The following PALS2 variants were observed in gnomAD, a reference collection of about 807,000 sequenced individuals.
PALS2 encodes the protein protein associated with LIN7 2, MAGUK p55 family member.
Under a neutral mutation model 61.6 loss-of-function variants are expected in PALS2, and 27 were observed. The ratio of observed to expected loss-of-function variants is 0.44; its 90% CI spans 0.32 to 0.60. PALS2 has a LOEUF of 0.60. Among genes scored for constraint, PALS2 ranks in the 20% least tolerant of loss-of-function variants. PALS2 has a pLI of 0.05. For missense variants in PALS2, 554 were observed against 639.4 expected, an observed-to-expected ratio of 0.87 and a Z score of 1.44; for synonymous variants, 236 against 218.6, an observed-to-expected ratio of 1.08 and a Z score of -0.70.
intron 1 of PALS2, among the ~76,000 whole-genome samples, chr7:24,577,781 C>G (rs1187844131): frequency 6.6e-6 from 1 of 152,148 alleles, no homozygotes; most frequent in Non-Finnish European, 1.5e-5. Flanking sequence ...AACCATCCTT[C>G]CAGAATGACA....
At chr7:24,666,320 T>C (rs970848761) in intron 8 of PALS2, among the ~76,000 whole-genome samples, 7 of 152,202 alleles carry the variant, frequency 4.6e-5, no homozygotes, top group African/African-American at 1.7e-4. Context: ...ACAAAACAAA[T>C]TGGTTAAGAT....
intron 2 of PALS2, among the ~76,000 whole-genome samples, chr7:24,630,309 A>C (rs1360708764): frequency 2.0e-5 from 3 of 152,120 alleles, no homozygotes; most frequent in Admixed American, 2.0e-4. Context: ...GGAGGGGAAC[A>C]TCACACACCG....
At position 24,635,986 on chromosome 7, in the gene PALS2, C is replaced by T. The variant is rs529844311; in HGVS notation, c.118-5730C>T. Among the ~76,000 whole-genome samples the T allele has an allele frequency of 4.6e-5, 7 of 151,846 alleles. No homozygotes were observed. In the South Asian group the frequency reaches 8.3e-4, roughly 18 times the overall value. On this transcript the variant is annotated intron_variant, in intron 2 of 11. Coordinates refer to ENST00000222644, the MANE Select transcript of PALS2 (RefSeq NM_001303037.2). Reference sequence around the variant, plus strand: ...TAGCACTTTGGGAGGCTGAGGCGGGCGGATCACCTGAGGTCAAGAGTTCGA... The same window carrying T: ...TAGCACTTTGGGAGGCTGAGGCGGGTGGATCACCTGAGGTCAAGAGTTCGA...
At chr7:24,657,165 G>A (rs192147436) in intron 5 of PALS2, among the ~76,000 whole-genome samples, 2 of 152,268 alleles carry the variant, frequency 1.3e-5, no homozygotes, top group African/African-American at 4.8e-5. Flanking sequence ...TTTGTTACCA[G>A]TATGGGGCTT....
chr7:24,680,357 T>G, intron 10 of PALS2, 35 bp from the exon 11 acceptor site: 1 of 1,581,972 alleles, frequency 6.3e-7, no homozygotes, highest in Middle Eastern at 1.7e-4. Flanking sequence ...GTTCTAATAT[T>G]GTATAAATTG....
chr7:24,662,356 G>A (rs1306523183), intron 5 of PALS2, among the ~76,000 whole-genome samples: 1 of 152,170 alleles, frequency 6.6e-6, no homozygotes, highest in Middle Eastern at 3.2e-3. Context: ...AAAGAACATT[G>A]TTATTTTGAC....
At position 24,693,667 on chromosome 7, in the gene PALS2, A is replaced by G. The variant is rs142809997; in HGVS notation, c.*6053A>G. On this transcript the variant is annotated 3_prime_UTR_variant, in exon 12 of 12. Coordinates refer to ENST00000222644, the MANE Select transcript of PALS2 (RefSeq NM_001303037.2). ...CATCTGTATTTGAAATACAATAAAA[A>G]TATTTCTTATGTCTCTGTATTCTCT... The G allele has an allele frequency of 3.9e-4, 60 of 152,252 alleles. 1 individual carries two copies. The highest frequency in any genetic ancestry group is 3.4e-3 in the Middle Eastern group (1 of 294). The allele number at this position is 152,252 out of a possible 1,614,324, so 9.4% of individuals were successfully genotyped here. A position where few individuals can be genotyped will look rare whatever the true frequency, so the allele number is the denominator to read the frequency against.
chr7:24,657,483 A>G (rs1055606554), intron 5 of PALS2, among the ~76,000 whole-genome samples: 3 of 152,062 alleles, frequency 2.0e-5, no homozygotes, highest in Non-Finnish European at 4.4e-5. Context: ...ACATGTTTTT[A>G]TGTGTTTATT....
chr7:24,577,804 C>T (rs1007863115), intron 1 of PALS2, among the ~76,000 whole-genome samples: 1 of 152,104 alleles, frequency 6.6e-6, no homozygotes, highest in Admixed American at 6.6e-5. Flanking sequence ...AGCCTCATCC[C>T]CCTCAATCCC....
chr7:24,632,532 T>A (rs546295636), intron 2 of PALS2, among the ~76,000 whole-genome samples: 10 of 152,252 alleles, frequency 6.6e-5, no homozygotes, highest in African/African-American at 2.4e-4. Context: ...CTCAAGTAGC[T>A]GGGATTACAG....
chr7:24,573,669 C>G lies in PALS2; in HGVS notation c.-3+76C>G. The G allele has an allele frequency of 4.7e-6, 1 of 214,496 alleles. No homozygotes were observed. Among genetic ancestry groups the G allele is most frequent in the East Asian group, 9.7e-5 (1 of 10,350 alleles). The allele number at this position is 214,496 out of a possible 1,614,324, so 13.3% of individuals were successfully genotyped here. A position where few individuals can be genotyped will look rare whatever the true frequency, so the allele number is the denominator to read the frequency against. ...CGGGCCGGCCGGGGGCGCCCTGTTG[C>G]TCGGCGCGGCGCGCCACGCGGGGAC... On this transcript the variant is annotated intron_variant, in intron 1 of 11. Transcript: ENST00000222644. The surrounding 1 kb of genome is among the most constrained non-coding windows in gnomAD (Gnocchi z 5.3).
chr7:24,655,542 A>G (rs1197627166), intron 5 of PALS2, among the ~76,000 whole-genome samples: 1 of 152,068 alleles, frequency 6.6e-6, no homozygotes, highest in African/African-American at 2.4e-5. Flanking sequence ...AACTAATTGA[A>G]TCGACAAAAG....
At chr7:24,672,246 G>C (rs1221733540) in intron 9 of PALS2, among the ~76,000 whole-genome samples, 4 of 137,494 alleles carry the variant, frequency 2.9e-5, no homozygotes, top group African/African-American at 1.1e-4. Flanking sequence ...TTGTTTTGTT[G>C]AGATGGAGTC....
chr7:24,588,233 G>C (rs978264801), intron 1 of PALS2, among the ~76,000 whole-genome samples: 4 of 152,164 alleles, frequency 2.6e-5, no homozygotes, highest in African/African-American at 7.2e-5. Flanking sequence ...TTCTAGGCTT[G>C]ACCAGATATC....
chr7:24,637,339 A>G (rs997297529), intron 2 of PALS2, among the ~76,000 whole-genome samples: 1 of 126,406 alleles, frequency 7.9e-6, no homozygotes, highest in African/African-American at 2.9e-5. Context: ...ATCCTTTTTG[A>G]TATAATGTAT....
Position 24,687,375 on chromosome 7 carries a change from T to TG in PALS2, c.1447-61dup. The TG allele has an allele frequency of 8.1e-7, 1 of 1,231,414 alleles. No individual in the cohort carries two copies. The highest frequency in any genetic ancestry group is 2.4e-5 in the East Asian group (1 of 42,448). 76.3% of individuals were successfully genotyped at this position (1,231,414 alleles called of 1,614,324 possible). A position where few individuals can be genotyped will look rare whatever the true frequency, so the allele number is the denominator to read the frequency against. ...CCTATTTATTATATTCACTTCTAGTTGGAGTTTGAGCAAGTAAATATGCAT... is the reference window on the plus strand; with the variant it reads ...CCTATTTATTATATTCACTTCTAGTTGGGAGTTTGAGCAAGTAAATATGCAT... On this transcript the variant is annotated intron_variant, in intron 11 of 11. Coordinates refer to ENST00000222644, the MANE Select transcript of PALS2 (RefSeq NM_001303037.2). This position sits in a 1 kb window ranked among gnomAD's most constrained non-coding sequence, Gnocchi z 4.5.
At chr7:24,633,013 C>G (rs998501030) in intron 2 of PALS2, among the ~76,000 whole-genome samples, 44 of 152,138 alleles carry the variant, frequency 2.9e-4, no homozygotes, top group African/African-American at 1.0e-3. Flanking sequence ...TAAAATAACA[C>G]TGTTTCCTGT....
Position 24,689,168 on chromosome 7 carries a change from T to C in PALS2, c.*1554T>C, listed in dbSNP as rs1370895595. 6.6e-6 allele frequency: 1 copy of C among 152,236 alleles called. No homozygotes were observed. Among genetic ancestry groups the C allele is most frequent in the Admixed American group, 6.5e-5 (1 of 15,282 alleles). 9.4% of individuals were successfully genotyped at this position (152,236 alleles called of 1,614,324 possible). ...CGAAAGAAGTTCTCCTTTAGAAGCATTGACTTATACAAATTCCCACATTCA... is the reference window on the plus strand; with the variant it reads ...CGAAAGAAGTTCTCCTTTAGAAGCACTGACTTATACAAATTCCCACATTCA... On this transcript the variant is annotated 3_prime_UTR_variant, in exon 12 of 12. Transcript: ENST00000222644.
intron 2 of PALS2, among the ~76,000 whole-genome samples, chr7:24,637,424 A>G (rs1785292665): frequency 7.1e-6 from 1 of 141,804 alleles, no homozygotes; most frequent in Non-Finnish European, 1.5e-5. Flanking sequence ...ATTCTTTTTT[A>G]TTTTTGAGTA....
Sources: gnomAD v4.1 joint callset for allele counts (sites outside exome capture counted in the v4.1 genomes callset) on GRCh38, gnomAD v4.1.1 for gene constraint, Gnocchi (gnomAD v3.1) non-coding constraint, MANE v1.5 for transcripts, NCBI Gene and HGNC (gene_info 2026-07-23, HGNC 2026-07-21) for gene names.